Variants in LARS1 observed in about 807,000 individuals in gnomAD.
The protein encoded by LARS1 is leucine--tRNA ligase, cytoplasmic.
In LARS1, 100 loss-of-function variants were observed where a neutral mutation model predicts 162.8. The ratio of observed to expected loss-of-function variants is 0.61; its 90% CI spans 0.52 to 0.73. LARS1 has a LOEUF of 0.73. Ranked by LOEUF, LARS1 falls within the 30% of genes least tolerant of loss-of-function variation. The pLI, the probability that LARS1 is intolerant of heterozygous loss-of-function variation, is 0.00. For missense variants in LARS1, 1,258 were observed against 1,408.9 expected, an observed-to-expected ratio of 0.89 and a Z score of 1.71; for synonymous variants, 457 against 462.8, an observed-to-expected ratio of 0.99 and a Z score of 0.16.
chr5:146,130,365 C>CA, intron 24 of LARS1: 1 of 558,786 alleles, frequency 1.8e-6, no homozygotes, highest in East Asian at 3.2e-5. Context: ...TAATAATTCT[C>CA]AAAAAAAGAA....
intron 18 of LARS1, 70 bp from the exon 19 acceptor site, chr5:146,143,620 AG>A (rs1269509411): frequency 2.8e-6 from 4 of 1,408,394 alleles, no homozygotes; most frequent in Non-Finnish European, 4.0e-6. Flanking sequence ...ATTTTTAAGA[AG>A]GGGGCTATAA....
intron 6 of LARS1, among the ~76,000 whole-genome samples, chr5:146,163,805 A>C (rs563569106): frequency 6.6e-6 from 1 of 152,362 alleles, no homozygotes; most frequent in Admixed American, 6.5e-5. Context: ...CACTAAGCTT[A>C]ATCATTTCTA....
intron 20 of LARS1, among the ~76,000 whole-genome samples, chr5:146,142,520 T>G (rs1247322775): frequency 6.6e-6 from 1 of 152,168 alleles, no homozygotes; most frequent in Non-Finnish European, 1.5e-5. Context: ...CTAGTCAGAA[T>G]GTTACCACAA....
At position 146,132,950 on chromosome 5, in the gene LARS1, C is replaced by A. The variant is rs1278648789; in HGVS notation, c.2344G>T (p.Asp782Tyr). Residue 782 changes from aspartate to tyrosine, a missense_variant, in exon 23 of 32, where the codon GAC becomes TAC. By Grantham distance (160) the Asp-to-Tyr change is radical. Coordinates refer to ENST00000394434, the MANE Select transcript of LARS1 (RefSeq NM_020117.11). The stretch of plus-strand genomic sequence containing the variant: ...CTGGCAGGACCACTTCTTAGGCTGT[C>A]CCAGTTGGCAACCATTTCTTTCACC... ...EWVKEMVANW[D>Y]SLRSGPASTF... The A allele has an allele frequency of 6.2e-7, 1 of 1,614,022 alleles. No individual in the cohort carries two copies. Among genetic ancestry groups the A allele is most frequent in the East Asian group, 2.2e-5 (1 of 44,896 alleles).
chr5:146,178,432 G>A (rs1291507738), intron 1 of LARS1, among the ~76,000 whole-genome samples: 1 of 151,836 alleles, frequency 6.6e-6, no homozygotes, highest in Non-Finnish European at 1.5e-5. Context: ...TGGCCAACGT[G>A]GTGAAACCCC....
In LARS1 at chr5:146,157,754, C is replaced by G; in HGVS notation, c.813G>C (p.Val271=). The G allele has an allele frequency of 1.3e-5, 21 of 1,614,134 alleles. No homozygotes were observed. The highest frequency in any genetic ancestry group is 1.8e-5 in the Non-Finnish European group (21 of 1,180,004). ...TTAATTTAGATGGGTATGGCTCAAG[C>G]ACCTTCAATTTGAGTAAAGTATATT... ...PQEYTLLKLK[V]LEPYPSKLSG... is the part of the protein sequence containing the mutation. Residue 271 remains valine, a synonymous_variant, in exon 9 of 32, where the codon GTG becomes GTC. Coordinates refer to ENST00000394434, the MANE Select transcript of LARS1 (RefSeq NM_020117.11).
At chr5:146,150,772 C>T (rs1429340795) in intron 14 of LARS1, among the ~76,000 whole-genome samples, 1 of 151,144 alleles carries the variant, frequency 6.6e-6, no homozygotes, top group African/African-American at 2.4e-5. Context: ...ATCCTCGTGT[C>T]TACTAAAAAT....
intron 21 of LARS1, among the ~76,000 whole-genome samples, chr5:146,136,100 C>A (rs1375398828): frequency 6.6e-6 from 1 of 152,212 alleles, no homozygotes; most frequent in Non-Finnish European, 1.5e-5. Context: ...TCACAAAAAT[C>A]GGTTGTTCAA....
At chr5:146,115,167 A>G (rs193245519) in intron 31 of LARS1, among the ~76,000 whole-genome samples, 1 of 152,128 alleles carries the variant, frequency 6.6e-6, no homozygotes, top group Admixed American at 6.5e-5. Flanking sequence ...TGGAATTACA[A>G]ACTAAGAGAG....
intron 30 of LARS1, among the ~76,000 whole-genome samples, chr5:146,121,995 A>G (rs1187824829): frequency 6.6e-6 from 1 of 152,112 alleles, no homozygotes; most frequent in African/African-American, 2.4e-5. Context: ...CAAACAAAAA[A>G]CAGAATATCC....
chr5:146,165,832 T>C (rs986226468), intron 5 of LARS1, among the ~76,000 whole-genome samples: 2 of 152,124 alleles, frequency 1.3e-5, no homozygotes, highest in Non-Finnish European at 2.9e-5. Flanking sequence ...TAGTCTAGGA[T>C]GGAACAAATA....
chr5:146,173,812 C>G (rs547518776), intron 2 of LARS1, among the ~76,000 whole-genome samples: 1 of 152,148 alleles, frequency 6.6e-6, no homozygotes, highest in African/African-American at 2.4e-5. Flanking sequence ...TTACCGTTCC[C>G]TTGTTTTTGA....
chr5:146,174,541 T>TATATGTATATATCC (rs1239385109), intron 2 of LARS1, among the ~76,000 whole-genome samples: 3 of 104,068 alleles, frequency 2.9e-5, no homozygotes, highest in African/African-American at 9.0e-5. Context: ...TATATATCCA[T>TATATGTATATATCC]ATATGTATAT....
intron 20 of LARS1, among the ~76,000 whole-genome samples, chr5:146,142,242 C>T (rs780015399): frequency 2.6e-5 from 4 of 152,004 alleles, no homozygotes; most frequent in Non-Finnish European, 5.9e-5. Flanking sequence ...AAGCTGAGTT[C>T]GTGCCGCTGC....
chr5:146,180,498 C>T (rs191731268), intron 1 of LARS1, among the ~76,000 whole-genome samples: 67 of 151,678 alleles, frequency 4.4e-4, no homozygotes, highest in African/African-American at 1.6e-3. Context: ...AAGAATGAGA[C>T]TCCATTTCAA....
In LARS1 at chr5:146,124,033, A is replaced by G. The variant is rs762617526; in HGVS notation, c.3045T>C (p.Asp1015=). Residue 1015 remains aspartate, a synonymous_variant, in exon 29 of 32, where the codon GAT becomes GAC. Transcript: ENST00000394434. ...TATTCTCCATAAGCACAGCCTTTTCATCAAATTCTAATTGCAAATCCAGAA... is the reference window on the plus strand; with the variant it reads ...TATTCTCCATAAGCACAGCCTTTTCGTCAAATTCTAATTGCAAATCCAGAA... ...PRILDLQLEF[D]EKAVLMENIV... The G allele has an allele frequency of 8.7e-6, 14 of 1,610,970 alleles. No individual in the cohort carries two copies. In the South Asian group the frequency reaches 1.5e-4, roughly 18 times the overall value.
intron 31 of LARS1, among the ~76,000 whole-genome samples, chr5:146,120,055 A>G (rs999073074): frequency 2.6e-5 from 4 of 152,152 alleles, no homozygotes; most frequent in Non-Finnish European, 5.9e-5. Flanking sequence ...TTGATTCTGA[A>G]TATCTCTGAG....
chr5:146,181,808 G>C (rs1299496991), intron 1 of LARS1, among the ~76,000 whole-genome samples: 2 of 100,894 alleles, frequency 2.0e-5, no homozygotes, highest in African/African-American at 7.2e-5. Flanking sequence ...TATGAAAAGA[G>C]AGATTTTTGT....
intron 1 of LARS1, chr5:146,182,223 G>A: frequency 1.9e-6 from 1 of 519,050 alleles, no homozygotes; most frequent in South Asian, 2.3e-5. Flanking sequence ...TTACAGCCGT[G>A]GGCCACCGTG....
Sources: gnomAD v4.1 joint callset for allele counts (sites outside exome capture counted in the v4.1 genomes callset) on GRCh38, gnomAD v4.1.1 for gene constraint, MANE v1.5 for transcripts, NCBI Gene and HGNC (gene_info 2026-07-23, HGNC 2026-07-21) for gene names.